The following SDHC variants were observed in gnomAD, a reference collection of about 807,000 sequenced individuals.
SDHC encodes the protein succinate dehydrogenase complex subunit C.
A neutral mutation model predicts 22.6 loss-of-function variants in SDHC; 11 were observed. The observed-to-expected ratio is 0.49, with a 90% CI of 0.31 to 0.81. The LOEUF is 0.81. SDHC is among the 30% of genes least tolerant of loss of function. The pLI is 0.05. For missense variants in SDHC, 160 were observed against 212.0 expected (o/e 0.75, Z 1.52); for synonymous variants, 80 against 77.8 (o/e 1.03, Z -0.15).
In SDHC at chr1:161,362,400, T is replaced by A. The variant is rs759055559; in HGVS notation, c.477T>A (p.Thr159=). Residue 159 remains threonine, a synonymous_variant, in exon 6 of 6, where the codon ACT becomes ACA. Transcript: ENST00000367975. ...CTGGAGTGGTTGTCCTGGTTCTTAC[T>A]GTGTTGTCCTCTATGGGGCTGGCAG... The part of the protein sequence containing the change: ...YQSGVVVLVL[T]VLSSMGLAAM 6.2e-7 allele frequency: 1 copy of A among 1,613,732 alleles called. No homozygotes were observed. The highest frequency in any genetic ancestry group is 8.5e-7 in the Non-Finnish European group (1 of 1,179,800).
chr1:161,314,945 G>A (rs1336997456), intron 1 of SDHC: 2 of 154,670 alleles, frequency 1.3e-5, no homozygotes, highest in Non-Finnish European at 2.9e-5. Flanking sequence ...GTGGCGATTA[G>A]CATTAGCACC....
In SDHC at chr1:161,320,451, A is replaced by T. The variant is rs561486724; in HGVS notation, c.21-3163A>T. ...TTATATTACAGTCATATAATGTATG[A>T]CTATAATAAGATAAATTATAGTCAC... On this transcript the variant is annotated intron_variant, in intron 1 of 5. Transcript: ENST00000367975. 3.3e-5 allele frequency among the ~76,000 whole-genome samples: 5 copies of T among 152,320 alleles called. No homozygotes were observed. In the East Asian group the frequency reaches 9.6e-4, roughly 29 times the overall value.
intron 4 of SDHC, among the ~76,000 whole-genome samples, chr1:161,347,749 C>T (rs1239792990): frequency 1.3e-5 from 2 of 152,032 alleles, no homozygotes; most frequent in African/African-American, 2.4e-5. Context: ...GCCTGTAGTC[C>T]CAGATACTTG....
In SDHC at chr1:161,362,313, T is replaced by TC; in HGVS notation, c.406-16_406-15insC. 1 of 1,609,970 alleles carries TC rather than the reference T, an allele frequency of 6.2e-7. No individual in the cohort carries two copies. Among genetic ancestry groups the TC allele is most frequent in the East Asian group, 2.2e-5 (1 of 44,834 alleles). On this transcript the variant is annotated splice_polypyrimidine_tract_variant and intron_variant, in intron 5 of 5. Coordinates refer to ENST00000367975, the MANE Select transcript of SDHC (RefSeq NM_003001.5). ...TTTACTGAAATTCCTTTTTTTTTTTTTTGCTTTGTCCACAGATGTGGGACC... is the reference window on the plus strand; with the variant it reads ...TTTACTGAAATTCCTTTTTTTTTTTTCTTGCTTTGTCCACAGATGTGGGACC...
chr1:161,324,448 G>T (rs1388582820), intron 2 of SDHC, among the ~76,000 whole-genome samples: 1 of 152,156 alleles, frequency 6.6e-6, no homozygotes, highest in African/African-American at 2.4e-5. Context: ...AATTGCCTTT[G>T]TGTTATTTTT....
At chr1:161,356,540 A>G in intron 4 of SDHC, 137 bp from the exon 5 acceptor site, 2 of 944,372 alleles carry the variant, frequency 2.1e-6, no homozygotes, top group Non-Finnish European at 3.4e-6. Context: ...CTCTGTCTCA[A>G]GAAAAAAAGA....
intron 3 of SDHC, among the ~76,000 whole-genome samples, 188 bp downstream of exon 3, chr1:161,328,685 G>A (rs1671164477): frequency 6.6e-6 from 1 of 152,178 alleles, no homozygotes; most frequent in Non-Finnish European, 1.5e-5. Flanking sequence ...ATGTGGAGAT[G>A]ACTAAATTCT....
intron 1 of SDHC, among the ~76,000 whole-genome samples, chr1:161,320,752 C>T (rs1670807196): frequency 6.6e-6 from 1 of 151,764 alleles, no homozygotes; most frequent in Non-Finnish European, 1.5e-5. Flanking sequence ...TATTATCAAT[C>T]CCATTTTATA....
intron 3 of SDHC, among the ~76,000 whole-genome samples, chr1:161,330,637 T>G (rs1014338459): frequency 3.3e-5 from 5 of 152,192 alleles, no homozygotes; most frequent in Non-Finnish European, 5.9e-5. Context: ...TATGACAGTC[T>G]TCTTTTCATC....
intron 4 of SDHC, among the ~76,000 whole-genome samples, chr1:161,347,336 C>T (rs1486454723): frequency 6.6e-6 from 1 of 152,026 alleles, no homozygotes; most frequent in Non-Finnish European, 1.5e-5. Flanking sequence ...CTCACTGCAA[C>T]CTCCGCCTGC....
intron 3 of SDHC, among the ~76,000 whole-genome samples, chr1:161,337,061 G>GTT (rs1255364549): frequency 0.03 from 4,048 of 133,806 alleles, 197 homozygotes; most frequent in African/African-American, 0.1. Flanking sequence ...GTAGAAATGG[G>GTT]TTTTTTTTTT....
At chr1:161,330,640 T>C (rs1671237488) in intron 3 of SDHC, among the ~76,000 whole-genome samples, 1 of 152,198 alleles carries the variant, frequency 6.6e-6, no homozygotes, top group Non-Finnish European at 1.5e-5. Context: ...GACAGTCTTC[T>C]TTTCATCTTC....
intron 4 of SDHC, among the ~76,000 whole-genome samples, chr1:161,343,817 C>T (rs1671801348): frequency 6.6e-6 from 1 of 151,934 alleles, no homozygotes; most frequent in South Asian, 2.1e-4. Context: ...GTATATTTGT[C>T]ACCACTAAAT....
chr1:161,326,319 C>T (rs955987430), intron 2 of SDHC, among the ~76,000 whole-genome samples: 15 of 151,992 alleles, frequency 9.9e-5, no homozygotes, highest in African/African-American at 3.6e-4. Flanking sequence ...TTTCCTAATA[C>T]TGTGGGTTTA....
At chr1:161,362,300 C>A (rs1672544533) in intron 5 of SDHC, 29 bp from the exon 6 acceptor site, 2 of 1,523,798 alleles carry the variant, frequency 1.3e-6, no homozygotes, top group East Asian at 2.3e-5. Flanking sequence ...TACTGAAATT[C>A]CTTTTTTTTT....
At chr1:161,346,595 T>C (rs1213103785) in intron 4 of SDHC, among the ~76,000 whole-genome samples, 1 of 151,970 alleles carries the variant, frequency 6.6e-6, no homozygotes, top group African/African-American at 2.4e-5. Context: ...GCAGGGTTTC[T>C]CCATGTTGGT....
chr1:161,339,665 T>TTTTTTTG (rs1558173780), intron 3 of SDHC: 1 of 137,294 alleles, frequency 7.3e-6, no homozygotes, highest in African/African-American at 6.6e-5. Flanking sequence ...TACAGGTGTT[T>TTTTTTTG]TTTTTTTTTT....
At chr1:161,340,449 G>A in intron 3 of SDHC, 145 bp from the exon 4 acceptor site, 1 of 675,272 alleles carries the variant, frequency 1.5e-6, no homozygotes, top group Non-Finnish European at 2.6e-6. Flanking sequence ...GCCAGCCTGG[G>A]CAACAGAGCG....
intron 5 of SDHC, 89 bp downstream of exon 5, chr1:161,356,929 G>T (rs1571890752): frequency 1.0e-5 from 14 of 1,345,080 alleles, no homozygotes; most frequent in East Asian, 2.4e-5. Context: ...GTTTAGTGCT[G>T]TTCTTTTTTT....
Sources: gnomAD v4.1 joint callset for allele counts (sites outside exome capture counted in the v4.1 genomes callset) on GRCh38, gnomAD v4.1.1 for gene constraint, MANE v1.5 for transcripts, NCBI Gene and HGNC (gene_info 2026-07-23, HGNC 2026-07-21) for gene names.